Variants in DCP1B observed in about 807,000 individuals in gnomAD.
DCP1B encodes mRNA-decapping enzyme 1B.
In DCP1B, 47 loss-of-function variants were observed where a neutral mutation model predicts 60.5. The ratio of observed to expected loss-of-function variants is 0.78; its 90% CI spans 0.61 to 0.99. The LOEUF (loss-of-function observed/expected upper bound fraction) is 0.99. DCP1B is among the 50% of genes least tolerant of loss of function. The probability of loss-of-function intolerance (pLI) is 0.00; values close to 1 mark genes in which losing one functional copy is unlikely to be tolerated. For missense variants in DCP1B, 725 were observed against 756.8 expected, an observed-to-expected ratio of 0.96 and a Z score of 0.49; for synonymous variants, 267 against 280.3, an observed-to-expected ratio of 0.95 and a Z score of 0.47.
chr12:1,956,134 C>G (rs542833565), intron 5 of DCP1B, among the ~76,000 whole-genome samples: 1 of 152,312 alleles, frequency 6.6e-6, no homozygotes, highest in East Asian at 1.9e-4. Flanking sequence ...GAGCTACTTA[C>G]TACAAATTAG....
In DCP1B at chr12:1,971,148, A is replaced by T; in HGVS notation, c.320-3238T>A. 7.8e-7 allele frequency: 1 copy of T among 1,289,406 alleles called. No individual in the cohort carries two copies. Among genetic ancestry groups the T allele is most frequent in the Non-Finnish European group, 1.0e-6 (1 of 988,492 alleles). 79.9% of individuals were successfully genotyped at this position (1,289,406 alleles called of 1,614,324 possible). On this transcript the variant is annotated intron_variant, in intron 3 of 8. Transcript: ENST00000280665. The surrounding 1 kb of genome is among the most constrained non-coding windows in gnomAD (Gnocchi z 4.2). Reference sequence around the variant, plus strand: ...TCTGCCAACACGGAGGTCAAGTTTAAGGGTACTTTGGTGCATGAAGCTCAA... The same window carrying T: ...TCTGCCAACACGGAGGTCAAGTTTATGGGTACTTTGGTGCATGAAGCTCAA...
chr12:1,986,484 C>CCA (rs1240667328), intron 3 of DCP1B, among the ~76,000 whole-genome samples: 1 of 152,150 alleles, frequency 6.6e-6, no homozygotes, highest in East Asian at 1.9e-4. Flanking sequence ...ACTCTTCAGA[C>CCA]CACAGGGGCA....
chr12:1,995,799 TCACTC>T (rs2040657193), intron 2 of DCP1B, among the ~76,000 whole-genome samples: 1 of 152,208 alleles, frequency 6.6e-6, no homozygotes, highest in Non-Finnish European at 1.5e-5. Flanking sequence ...CTCTTTATAC[TCACTC>T]CTTCAGGGAA....
chr12:1,993,249 G>A lies in DCP1B; in HGVS notation c.319+15C>T. On this transcript the variant is annotated intron_variant, in intron 3 of 8. Transcript: ENST00000280665. Reference sequence around the variant, plus strand: ...TTCAGAAGTAAAACAACCCACTGTAGTAAGAAAGACTCACATCTGGCATTT... The same window carrying A: ...TTCAGAAGTAAAACAACCCACTGTAATAAGAAAGACTCACATCTGGCATTT... 1 of 1,614,052 alleles carries A rather than the reference G, an allele frequency of 6.2e-7. No individual in the cohort carries two copies. The highest frequency in any genetic ancestry group is 8.5e-7 in the Non-Finnish European group (1 of 1,179,946).
chr12:1,965,677 G>A lies in DCP1B; in HGVS notation c.403C>T (p.Gln135Ter), dbSNP rs2031270370. 6.2e-7 allele frequency: 1 copy of A among 1,611,226 alleles called. No homozygotes were observed. The highest frequency in any genetic ancestry group is 8.5e-7 in the Non-Finnish European group (1 of 1,178,982). ...ELMKNLTQYE[Q>*]LKAHQGTGAG... ...CCAGTTCCCTGATGGGCTTTCAACT[G>A]TTCATACTGAGTTAGGCTAGAAAAA... The change falls in exon 5 of 9, where the codon CAG becomes TAG. Residue 135 changes from glutamine (Q) to a stop codon, truncating the protein, a stop_gained. Coordinates refer to ENST00000280665, the MANE Select transcript of DCP1B (RefSeq NM_152640.5). LOFTEE classifies it high-confidence loss of function.
At chr12:1,965,205 G>A (rs995428641) in intron 5 of DCP1B, among the ~76,000 whole-genome samples, 14 of 151,888 alleles carry the variant, frequency 9.2e-5, no homozygotes, top group Admixed American at 5.2e-4. Context: ...CCCATTTCTC[G>A]TGAATTTTAT....
At chr12:1,974,358 T>C (rs2033602810) in intron 3 of DCP1B, among the ~76,000 whole-genome samples, 1 of 152,178 alleles carries the variant, frequency 6.6e-6, no homozygotes, top group Non-Finnish European at 1.5e-5. Context: ...GAGTTTATTT[T>C]GCTTCAAACA....
At chr12:1,981,656 A>G (rs1222586813) in intron 3 of DCP1B, among the ~76,000 whole-genome samples, 3 of 152,216 alleles carry the variant, frequency 2.0e-5, no homozygotes, top group Admixed American at 1.3e-4. Flanking sequence ...CCAAAACCCA[A>G]CACAGAATCA....
chr12:1,961,089 T>C (rs1472663399), intron 5 of DCP1B, among the ~76,000 whole-genome samples: 1 of 152,050 alleles, frequency 6.6e-6, no homozygotes, highest in Non-Finnish European at 1.5e-5. Flanking sequence ...AATAAGGTGA[T>C]GGAAAAAGAA....
chr12:1,946,185 C>A lies in DCP1B; in HGVS notation c.*21G>T. 1 of 1,546,234 alleles carries A rather than the reference C, an allele frequency of 6.5e-7. No homozygotes were observed. Among genetic ancestry groups the A allele is most frequent in the Non-Finnish European group, 8.7e-7 (1 of 1,147,386 alleles). ...GGAGTTCTAGAAGGACCTTGAAAAT[C>A]AGTTTTAAAAGGCCTTGCTGTCACA... is the stretch of plus-strand genomic sequence containing the variant. On this transcript the variant is annotated 3_prime_UTR_variant, in exon 9 of 9. Coordinates refer to ENST00000280665, the MANE Select transcript of DCP1B (RefSeq NM_152640.5).
At chr12:1,992,100 A>G in intron 3 of DCP1B, 1 of 337,090 alleles carries the variant, frequency 3.0e-6, no homozygotes. Flanking sequence ...GTCTTTAGTA[A>G]TAAACTACAA....
chr12:1,957,646 C>T (rs1451519887), intron 5 of DCP1B, among the ~76,000 whole-genome samples: 1 of 152,194 alleles, frequency 6.6e-6, no homozygotes, highest in Non-Finnish European at 1.5e-5. Context: ...CTTGTTCTTA[C>T]TAAAATTTGG....
chr12:1,964,849 A>G (rs2031239715), intron 5 of DCP1B, among the ~76,000 whole-genome samples: 1 of 152,176 alleles, frequency 6.6e-6, no homozygotes, highest in Non-Finnish European at 1.5e-5. Flanking sequence ...AATGTTTTAA[A>G]ATCAGGGAGA....
downstream of DCP1B, among the ~76,000 whole-genome samples, chr12:1,942,608 A>G (rs2030307932): frequency 1.3e-5 from 2 of 152,244 alleles, no homozygotes; most frequent in Non-Finnish European, 2.9e-5. Flanking sequence ...ACCACTGTGC[A>G]ATCAAATTAG....
chr12:1,955,485 T>A lies in DCP1B; in HGVS notation c.598A>T (p.Ile200Phe). 6.2e-7 allele frequency: 1 copy of A among 1,613,960 alleles called. No individual in the cohort carries two copies. Among genetic ancestry groups the A allele is most frequent in the Non-Finnish European group, 8.5e-7 (1 of 1,179,876 alleles). The change falls in exon 6 of 9, where the codon ATT (isoleucine) becomes TTT (phenylalanine). Residue 200 changes from isoleucine (I) to phenylalanine (F), a missense_variant. Physicochemically the swap from Ile to Phe is conservative, Grantham distance 21. Transcript: ENST00000280665. ...IYDNPNLIKP[I>F]PVKPSENQQQ... is the part of the protein sequence containing the mutation. ...TGGTTTTCACTGGGTTTCACTGGAA[T>A]TGGTTTGATGAGATTTGGATTGTCA...
At chr12:1,966,575 A>C (rs2031302804) in intron 4 of DCP1B, among the ~76,000 whole-genome samples, 1 of 152,164 alleles carries the variant, frequency 6.6e-6, no homozygotes, top group Non-Finnish European at 1.5e-5. Flanking sequence ...ATTGCTAGTA[A>C]ATAATCAATT....
chr12:1,984,539 C>G (rs968431411), intron 3 of DCP1B, among the ~76,000 whole-genome samples: 1 of 151,992 alleles, frequency 6.6e-6, no homozygotes, highest in Non-Finnish European at 1.5e-5. Flanking sequence ...ATAGTTGTCA[C>G]ATGTATCACA....
At chr12:2,004,060 A>T in intron 1 of DCP1B, 1 of 629,566 alleles carries the variant, frequency 1.6e-6, no homozygotes, top group Non-Finnish European at 2.7e-6. Context: ...TACGTTAGAG[A>T]TTTAAGTCTT....
Position 1,997,853 on chromosome 12 carries a change from A to G in DCP1B, c.191+82T>C, listed in dbSNP as rs2041299168. On this transcript the variant is annotated intron_variant, in intron 2 of 8. Coordinates refer to ENST00000280665, the MANE Select transcript of DCP1B (RefSeq NM_152640.5). ...TTACTTCTTTTTGAAATAAAACTGC[A>G]TGCACTTGAAGAAGAGTGACACAAC... 7.2e-6 allele frequency: 8 copies of G among 1,107,284 alleles called. 1 individual carries two copies. Among genetic ancestry groups the G allele is most frequent in the South Asian group, 4.3e-5 (3 of 70,532 alleles). 68.6% of individuals were successfully genotyped at this position (1,107,284 alleles called of 1,614,324 possible).
Sources: allele counts gnomAD v4.1 joint callset (sites outside exome capture counted in the v4.1 genomes callset), GRCh38; gene constraint gnomAD v4.1.1; non-coding constraint Gnocchi (gnomAD v3.1); transcripts MANE v1.5; gene names NCBI Gene and HGNC (gene_info 2026-07-23, HGNC 2026-07-21).